Variants in COL4A4 observed in about 807,000 individuals in gnomAD.
The protein encoded by COL4A4 is collagen alpha-4(IV) chain.
A neutral mutation model predicts 192.9 loss-of-function variants in COL4A4; 105 were observed. That is an observed-to-expected ratio of 0.54 (90% CI 0.46 to 0.64). The LOEUF is 0.64. Ranked by LOEUF, COL4A4 falls within the 30% of genes least tolerant of loss-of-function variation. The probability of loss-of-function intolerance (pLI) is 0.00; values close to 1 mark genes in which losing one functional copy is unlikely to be tolerated. For synonymous variants in COL4A4, 762 were observed against 769.9 expected (o/e 0.99, Z 0.17); for missense variants, 1,967 against 2,169.3 (o/e 0.91, Z 1.85).
the COL4A4 span, among the ~76,000 whole-genome samples, chr2:226,971,458 T>C: frequency 6.6e-6 from 1 of 152,190 alleles, no homozygotes; most frequent in Non-Finnish European, 1.5e-5. Context: ...CATTTCTCAT[T>C]GTTTTGTTCC....
At position 227,055,021 on chromosome 2, in the gene COL4A4, C is replaced by T. The variant is rs558590026; in HGVS notation, c.2717-284G>A. Among the ~76,000 whole-genome samples the T allele has an allele frequency of 2.0e-5, 3 of 152,198 alleles. 1 individual carries two copies. The highest frequency in any genetic ancestry group is 4.2e-4 in the South Asian group (2 of 4,814). The stretch of plus-strand genomic sequence containing the variant: ...GCCAGGCTGGTCTCAAACTCCTAGC[C>T]TCAAGTGATCCACCCGCCTCAGCCT... On this transcript the variant is annotated intron_variant, in intron 30 of 47. Transcript: ENST00000396625.
At chr2:227,126,047 C>T (rs141821698) in intron 4 of COL4A4, among the ~76,000 whole-genome samples, 2 of 152,092 alleles carry the variant, frequency 1.3e-5, no homozygotes, top group African/African-American at 4.8e-5. Context: ...GAGGACTCAA[C>T]CGATCCAGAT....
chr2:227,054,067 A>T (rs1038742901), intron 31 of COL4A4, among the ~76,000 whole-genome samples: 2 of 152,240 alleles, frequency 1.3e-5, no homozygotes, highest in Non-Finnish European at 2.9e-5. Context: ...TGTGAAAATT[A>T]TATGAAATTC....
chr2:227,103,604 T>G (rs1576525934), intron 13 of COL4A4, among the ~76,000 whole-genome samples: 1 of 152,268 alleles, frequency 6.6e-6, no homozygotes, highest in Non-Finnish European at 1.5e-5. Context: ...GGCCCAGTTC[T>G]ATGCATTTGT....
At position 227,041,872 on chromosome 2, in the gene COL4A4, A is replaced by G. The variant is rs919580722; in HGVS notation, c.3505+276T>C. The stretch of plus-strand genomic sequence containing the variant: ...AGAGAAAGAAAGAAAGAAAGAAAGA[A>G]AGAAAGAAAGAAAGAAAGAAAGAAA... On this transcript the variant is annotated intron_variant, in intron 37 of 47. Coordinates refer to ENST00000396625, the MANE Select transcript of COL4A4 (RefSeq NM_000092.5). 3.8e-3 allele frequency among the ~76,000 whole-genome samples: 488 copies of G among 128,238 alleles called. 5 individuals carry two copies. The highest frequency in any genetic ancestry group is 9.4e-3 in the African/African-American group (302 of 32,122). 84.1% of individuals were successfully genotyped at this position (128,238 alleles called of 152,430 possible). A position where few individuals can be genotyped will look rare whatever the true frequency, so the allele number is the denominator to read the frequency against.
chr2:227,115,061 G>T (rs185218159), intron 7 of COL4A4, among the ~76,000 whole-genome samples: 1,853 of 142,364 alleles, frequency 0.013, 22 homozygotes, highest in African/African-American at 0.037. Context: ...TATATATATA[G>T]AGAGAGAGAT....
In COL4A4 at chr2:227,003,406, A is replaced by G. The variant is rs911434213; in HGVS notation, c.*3919T>C. Reference sequence around the variant, plus strand: ...AGAAAGTTGGCAAAACTCACCCAGGATAACAGCTGAAAAATGACTAAGCCA... The same window carrying G: ...AGAAAGTTGGCAAAACTCACCCAGGGTAACAGCTGAAAAATGACTAAGCCA... On this transcript the variant is annotated 3_prime_UTR_variant, in exon 48 of 48. Coordinates refer to ENST00000396625, the MANE Select transcript of COL4A4 (RefSeq NM_000092.5). 1 of 152,214 alleles carries G rather than the reference A, an allele frequency of 6.6e-6. No homozygotes were observed. Among genetic ancestry groups the G allele is most frequent in the Non-Finnish European group, 1.5e-5 (1 of 68,038 alleles). The allele number at this position is 152,214 out of a possible 1,614,324, so 9.4% of individuals were successfully genotyped here.
Position 227,054,583 on chromosome 2 carries a change from A to T in COL4A4, c.2860+11T>A, listed in dbSNP as rs1974883447. 1.1e-5 allele frequency: 17 copies of T among 1,614,000 alleles called. No homozygotes were observed. The highest frequency in any genetic ancestry group is 1.4e-5 in the Non-Finnish European group (17 of 1,179,916). On this transcript the variant is annotated intron_variant, in intron 31 of 47. Coordinates refer to ENST00000396625, the MANE Select transcript of COL4A4 (RefSeq NM_000092.5). ...AAACAAATGCATGTTGCATGGCTGT[A>T]TTTTATTTACCTTTGGCCCCTCTCA... is the stretch of plus-strand genomic sequence containing the variant.
intron 4 of COL4A4, among the ~76,000 whole-genome samples, chr2:227,138,799 C>T (rs2062999997): frequency 6.6e-6 from 1 of 152,156 alleles, no homozygotes. Context: ...GAACCCATTG[C>T]ACACCTGCTG....
intron 4 of COL4A4, among the ~76,000 whole-genome samples, chr2:227,138,038 G>C (rs1391552787): frequency 6.6e-6 from 1 of 152,038 alleles, no homozygotes; most frequent in Non-Finnish European, 1.5e-5. Context: ...GCTCATGCCT[G>C]TAATCCCAGG....
At chr2:227,067,363 A>G (rs371067553) in intron 25 of COL4A4, among the ~76,000 whole-genome samples, 5 of 152,208 alleles carry the variant, frequency 3.3e-5, no homozygotes, top group Admixed American at 6.5e-5. Flanking sequence ...TGCACCAAGC[A>G]GACCTAATAG....
At chr2:227,016,702 C>T (rs986797727) in intron 44 of COL4A4, among the ~76,000 whole-genome samples, 11 of 152,184 alleles carry the variant, frequency 7.2e-5, no homozygotes, top group East Asian at 1.9e-4. Flanking sequence ...TACATCCCTA[C>T]GACCAGCCAG....
At chr2:226,987,395 A>G in the COL4A4 span, among the ~76,000 whole-genome samples, 1 of 152,026 alleles carries the variant, frequency 6.6e-6, no homozygotes, top group Non-Finnish European at 1.5e-5. Context: ...AATGTGTTGG[A>G]GGACATTGCC....
At chr2:227,160,113 T>C (rs1009581300) in intron 1 of COL4A4, among the ~76,000 whole-genome samples, 3 of 152,162 alleles carry the variant, frequency 2.0e-5, no homozygotes, top group Non-Finnish European at 2.9e-5. Context: ...AGGAAGTCTG[T>C]ATAGTGAACC....
intron 8 of COL4A4, among the ~76,000 whole-genome samples, chr2:227,113,029 C>T (rs2061306430): frequency 6.6e-6 from 1 of 152,124 alleles, no homozygotes. Context: ...CATGCATGTA[C>T]AAATATCCAT....
chr2:227,093,546 C>T (rs774732735), intron 20 of COL4A4, among the ~76,000 whole-genome samples: 1 of 152,002 alleles, frequency 6.6e-6, no homozygotes, highest in Non-Finnish European at 1.5e-5. Flanking sequence ...TCCCGTGGCA[C>T]CCACCCAGAA....
chr2:227,109,164 T>G lies in COL4A4; in HGVS notation c.657+60A>C, dbSNP rs764960451. On this transcript the variant is annotated intron_variant, in intron 10 of 47. Coordinates refer to ENST00000396625, the MANE Select transcript of COL4A4 (RefSeq NM_000092.5). ...TCTGACCCAAAATGGCAATGTTGCTTCTTTATTTTCATGTAGAATCTGGTT... is the reference window on the plus strand; with the variant it reads ...TCTGACCCAAAATGGCAATGTTGCTGCTTTATTTTCATGTAGAATCTGGTT... 4 of 1,510,284 alleles carry G rather than the reference T, an allele frequency of 2.6e-6. No individual in the cohort carries two copies. The South Asian group carries it at 4.5e-5, about 17-fold the overall frequency. The allele number at this position is 1,510,284 out of a possible 1,614,324, so 93.6% of individuals were successfully genotyped here.
intron 25 of COL4A4, among the ~76,000 whole-genome samples, chr2:227,074,621 A>G (rs906335161): frequency 1.3e-5 from 2 of 152,186 alleles, no homozygotes; most frequent in African/African-American, 4.8e-5. Context: ...TAGCAGCACA[A>G]TTCACAATTG....
chr2:226,971,886 A>C, the COL4A4 span, among the ~76,000 whole-genome samples: 2 of 150,576 alleles, frequency 1.3e-5, no homozygotes, highest in African/African-American at 2.5e-5. Flanking sequence ...ATGATAGAAA[A>C]CTAGAGAGAA....
Sources: allele counts gnomAD v4.1 joint callset (sites outside exome capture counted in the v4.1 genomes callset), GRCh38; gene constraint gnomAD v4.1.1; transcripts MANE v1.5; gene names NCBI Gene and HGNC (gene_info 2026-07-23, HGNC 2026-07-21).